Variants in CYTIP observed in about 807,000 individuals in gnomAD.
CYTIP encodes cytohesin-interacting protein.
CYTIP carries 26 observed loss-of-function variants against 43.8 expected under a neutral mutation model. The ratio of observed to expected loss-of-function variants is 0.59; its 90% CI spans 0.44 to 0.82. The LOEUF is 0.82. Ranked by LOEUF, CYTIP falls within the 40% of genes least tolerant of loss-of-function variation. The pLI, the probability that CYTIP is intolerant of heterozygous loss-of-function variation, is 0.00. For synonymous variants in CYTIP, 162 were observed against 162.9 expected, an observed-to-expected ratio of 0.99 and a Z score of 0.04; for missense variants, 426 against 443.1, an observed-to-expected ratio of 0.96 and a Z score of 0.35.
chr2:157,426,672 GACAA>G (rs1685612734), intron 6 of CYTIP, among the ~76,000 whole-genome samples: 2 of 152,284 alleles, frequency 1.3e-5, no homozygotes, highest in East Asian at 3.9e-4. Context: ...AGGTCACTGA[GACAA>G]ACAGAGAGGT....
At chr2:157,425,551 A>G (rs1280852122) in intron 6 of CYTIP, among the ~76,000 whole-genome samples, 5 of 152,174 alleles carry the variant, frequency 3.3e-5, no homozygotes, top group African/African-American at 1.2e-4. Flanking sequence ...GGAGATACTG[A>G]AAAATTCATA....
intron 2 of CYTIP, 102 bp downstream of exon 2, chr2:157,434,595 TA>T: frequency 1.4e-6 from 1 of 705,600 alleles, no homozygotes; most frequent in Non-Finnish European, 2.4e-6. Flanking sequence ...TGTGTGTGCG[TA>T]GAGAGAGAGA....
At position 157,415,974 on chromosome 2, in the gene CYTIP, G is replaced by T. The variant is rs1322210778; in HGVS notation, c.783C>A (p.Tyr261Ter). The change falls in exon 8 of 8, where the codon TAC becomes TAA. Residue 261 changes from tyrosine to a stop codon, truncating the protein, a stop_gained. Transcript: ENST00000264192. LOFTEE classifies it high-confidence loss of function. ...TGGAGTCCTCAGACACACACGTCTG[G>T]TAGCCATCTTCACTGTCCATCGTCA... ...SSMTMDSEDG[Y>*]QTCVSEDSSR... is the part of the protein sequence containing the mutation. The T allele has an allele frequency of 1.2e-6, 2 of 1,614,086 alleles. No homozygotes were observed. Among genetic ancestry groups the T allele is most frequent in the Non-Finnish European group, 8.5e-7 (1 of 1,180,042 alleles).
At chr2:157,427,305 A>C (rs371852243) in intron 6 of CYTIP, 46 bp downstream of exon 6, 27 of 1,475,332 alleles carry the variant, frequency 1.8e-5, no homozygotes, top group Admixed American at 5.9e-5. Context: ...TACCACTCAC[A>C]CATTCAAGGA....
At chr2:157,419,630 C>A (rs767386001) in intron 6 of CYTIP, among the ~76,000 whole-genome samples, 6 of 152,180 alleles carry the variant, frequency 3.9e-5, no homozygotes, top group Non-Finnish European at 8.8e-5. Flanking sequence ...AAATTCAGGT[C>A]CCTATAGCAA....
At chr2:157,417,238 T>G (rs534690021) in intron 7 of CYTIP, among the ~76,000 whole-genome samples, 1 of 152,368 alleles carries the variant, frequency 6.6e-6, no homozygotes, top group East Asian at 1.9e-4. Flanking sequence ...TTTTTGCTAA[T>G]ACAACCTACT....
intron 7 of CYTIP, 59 bp downstream of exon 7, chr2:157,418,464 G>A (rs1685471999): frequency 6.6e-7 from 1 of 1,509,662 alleles, no homozygotes. Context: ...CCAACTTTGA[G>A]GCAGAAATAC....
intron 1 of CYTIP, among the ~76,000 whole-genome samples, chr2:157,437,622 CCCGGGCGGCG>C (rs1479119643): frequency 6.6e-6 from 1 of 151,372 alleles, no homozygotes; most frequent in Admixed American, 6.6e-5. Context: ...ATCGCTTCAA[CCCGGGCGGCG>C]GAGGTTGCAG....
In CYTIP at chr2:157,418,557, T is replaced by C. The variant is rs563983594; in HGVS notation, c.579A>G (p.Arg193=). 1.3e-6 allele frequency: 2 copies of C among 1,593,032 alleles called. No homozygotes were observed. Among genetic ancestry groups the C allele is most frequent in the African/African-American group, 1.4e-5 (1 of 73,310 alleles). The change falls in exon 7 of 8, where the codon AGA becomes AGG. Residue 193 remains arginine (R), a synonymous_variant. Transcript: ENST00000264192. ...QTLKQKWVEY[R]SLQLQEHRLL... ...GACGATGTTCCTGTAACTGCAGAGATCTGTACTCCACCCATTTTTGTTTCA... is the reference window on the plus strand; with the variant it reads ...GACGATGTTCCTGTAACTGCAGAGACCTGTACTCCACCCATTTTTGTTTCA...
intron 1 of CYTIP, 25 bp from the exon 2 acceptor site, chr2:157,434,772 T>A: frequency 6.4e-7 from 1 of 1,567,548 alleles, no homozygotes; most frequent in South Asian, 1.1e-5. Flanking sequence ...AGACATATAG[T>A]TATCCCAGGG....
intron 6 of CYTIP, 141 bp downstream of exon 6, chr2:157,427,210 C>T (rs776016137): frequency 4.9e-5 from 32 of 652,912 alleles, no homozygotes; most frequent in African/African-American, 3.7e-5. Flanking sequence ...GGTAATTGTG[C>T]GGCTCTTGAT....
intron 6 of CYTIP, among the ~76,000 whole-genome samples, chr2:157,426,241 A>G (rs1685605395): frequency 6.6e-6 from 1 of 152,208 alleles, no homozygotes; most frequent in Non-Finnish European, 1.5e-5. Context: ...GATCTGAATA[A>G]AAAGATTGAG....
intron 7 of CYTIP, 125 bp downstream of exon 7, chr2:157,418,398 C>A: frequency 1.2e-6 from 1 of 851,136 alleles, no homozygotes. Flanking sequence ...GAAACACAGA[C>A]CCATTTCCTT....
intron 6 of CYTIP, among the ~76,000 whole-genome samples, chr2:157,425,950 G>A (rs1685598838): frequency 6.6e-6 from 1 of 151,852 alleles, no homozygotes; most frequent in African/African-American, 2.4e-5. Context: ...AAATAAATTA[G>A]TTTCAATAAT....
chr2:157,429,314 G>C (rs1447107519), intron 5 of CYTIP, among the ~76,000 whole-genome samples: 78 of 152,310 alleles, frequency 5.1e-4, no homozygotes, highest in African/African-American at 1.9e-3. Context: ...CTTACGAGGA[G>C]TTCATTTGAC....
chr2:157,428,274 C>T (rs1419070250), intron 5 of CYTIP, among the ~76,000 whole-genome samples: 1 of 152,184 alleles, frequency 6.6e-6, no homozygotes, highest in Non-Finnish European at 1.5e-5. Flanking sequence ...CAAGTTCCTT[C>T]TTGTAATTAA....
At chr2:157,436,269 G>GT (rs1558941360) in intron 1 of CYTIP, among the ~76,000 whole-genome samples, 1 of 152,072 alleles carries the variant, frequency 6.6e-6, no homozygotes, top group East Asian at 1.9e-4. Context: ...TTTGTACCTC[G>GT]TATGTACCGT....
chr2:157,444,014 A>C lies in CYTIP; in HGVS notation c.7T>G (p.Leu3Val). The C allele has an allele frequency of 1.2e-6, 2 of 1,613,848 alleles. No individual in the cohort carries two copies. The highest frequency in any genetic ancestry group is 1.7e-6 in the Non-Finnish European group (2 of 1,179,838). MS[L>V]QRLLQHSSNG... ...CTGCTGTGTTGCAGGAGCCTTTGTA[A>C]AGACATTGTGAATAAAGATCACTCC... is the stretch of plus-strand genomic sequence containing the variant. Residue 3 changes from leucine (L) to valine (V), a missense_variant, in exon 1 of 8, where the codon TTA (leucine) becomes GTA (valine). Physicochemically the swap from Leu to Val is conservative, Grantham distance 32. Transcript: ENST00000264192.
chr2:157,443,981 T>A lies in CYTIP; in HGVS notation c.40A>T (p.Asn14Tyr). ...GGCCCAGCGCAGAAGTCCGCCAAAT[T>A]GCCATTGCTGCTGTGTTGCAGGAGC... is the stretch of plus-strand genomic sequence containing the variant. Reference protein sequence around the residue: ...QRLLQHSSNGNLADFCAGPAY... With the variant: ...QRLLQHSSNGYLADFCAGPAY... The change falls in exon 1 of 8, where the codon AAT (asparagine) becomes TAT (tyrosine). Residue 14 changes from asparagine to tyrosine, a missense_variant. Transcript: ENST00000264192. The A allele has an allele frequency of 6.2e-7, 1 of 1,614,044 alleles. No homozygotes were observed. Among genetic ancestry groups the A allele is most frequent in the Non-Finnish European group, 8.5e-7 (1 of 1,179,906 alleles).
Sources: gnomAD v4.1 joint callset for allele counts (sites outside exome capture counted in the v4.1 genomes callset) on GRCh38, gnomAD v4.1.1 for gene constraint, MANE v1.5 for transcripts, NCBI Gene and HGNC (gene_info 2026-07-23, HGNC 2026-07-21) for gene names.